The following EPB41L3 variants were observed in gnomAD, a reference collection of about 807,000 sequenced individuals.
EPB41L3 encodes band 4.1-like protein 3.
EPB41L3 carries 57 observed loss-of-function variants against 127.1 expected under a neutral mutation model. That is an observed-to-expected ratio of 0.45 (90% confidence interval 0.36 to 0.56). The LOEUF is 0.56. Ranked by LOEUF, EPB41L3 falls within the 20% of genes least tolerant of loss-of-function variation. The pLI is 0.00. For missense variants in EPB41L3, 1,273 were observed against 1,372.2 expected, an observed-to-expected ratio of 0.93 and a Z score of 1.14; for synonymous variants, 572 against 549.5, an observed-to-expected ratio of 1.04 and a Z score of -0.57.
chr18:5,531,878 T>C (rs964949006), intron 1 of EPB41L3, among the ~76,000 whole-genome samples: 1 of 152,088 alleles, frequency 6.6e-6, no homozygotes, highest in African/African-American at 2.4e-5. Flanking sequence ...AGTGGAGCAG[T>C]AGAAGAAACT....
chr18:5,523,989 A>ATATATATGTGTGTG (rs1343778902), intron 1 of EPB41L3, among the ~76,000 whole-genome samples: 1 of 152,126 alleles, frequency 6.6e-6, no homozygotes, highest in African/African-American at 2.4e-5. Context: ...TTATATATAC[A>ATATATATGTGTGTG]TATATATGTG....
intron 3 of EPB41L3, among the ~76,000 whole-genome samples, chr18:5,469,493 G>A (rs1476617356): frequency 1.3e-5 from 2 of 152,124 alleles, no homozygotes; most frequent in African/African-American, 4.8e-5. Flanking sequence ...GCTGGACCCC[G>A]CACTTGCTTG....
chr18:5,436,762 T>C (rs2079902146), intron 6 of EPB41L3, among the ~76,000 whole-genome samples: 1 of 152,140 alleles, frequency 6.6e-6, no homozygotes, highest in Admixed American at 6.6e-5. Flanking sequence ...AACCACAAAT[T>C]AGCCAAAATA....
chr18:5,457,913 A>G (rs1174837229), intron 3 of EPB41L3, among the ~76,000 whole-genome samples: 2 of 152,062 alleles, frequency 1.3e-5, no homozygotes, highest in East Asian at 3.9e-4. Context: ...TGCCACTGTC[A>G]GGGGGGCACT....
chr18:5,418,506 G>C (rs550748994), intron 12 of EPB41L3, among the ~76,000 whole-genome samples: 1 of 152,194 alleles, frequency 6.6e-6, no homozygotes, highest in Admixed American at 6.5e-5. Flanking sequence ...TTTTTTGGGT[G>C]GATTATATTC....
At chr18:5,481,285 T>A (rs2088458191) in intron 2 of EPB41L3, among the ~76,000 whole-genome samples, 1 of 152,094 alleles carries the variant, frequency 6.6e-6, no homozygotes, top group Non-Finnish European at 1.5e-5. Context: ...AGCACAAGAT[T>A]TTCACCAGCA....
intron 16 of EPB41L3, chr18:5,398,715 T>C: frequency 5.0e-6 from 2 of 399,436 alleles, no homozygotes; most frequent in Non-Finnish European, 8.8e-6. Context: ...GGCTGGTTCC[T>C]GGGAATATCT....
At chr18:5,578,474 C>G (rs146872319) in intron 3 of EPB41L3, among the ~76,000 whole-genome samples, 3 of 152,290 alleles carry the variant, frequency 2.0e-5, no homozygotes, top group African/African-American at 7.2e-5. Flanking sequence ...TTTGAAAGCT[C>G]TGCTTTTCAG....
intron 9 of EPB41L3, 136 bp downstream of exon 9, chr18:5,428,177 A>C (rs2078483711): frequency 1.9e-5 from 18 of 960,030 alleles, no homozygotes; most frequent in Non-Finnish European, 2.7e-5. Flanking sequence ...GCAAACCTAC[A>C]ATAAACTCTC....
chr18:5,423,620 T>G (rs2077754025), intron 10 of EPB41L3, 67 bp from the exon 11 acceptor site: 1 of 1,436,148 alleles, frequency 7.0e-7, no homozygotes, highest in African/African-American at 1.4e-5. Flanking sequence ...TTTTTAAACT[T>G]TTTACTCTGA....
intron 3 of EPB41L3, among the ~76,000 whole-genome samples, chr18:5,583,798 G>A (rs1297804903): frequency 1.3e-5 from 2 of 152,046 alleles, no homozygotes; most frequent in African/African-American, 2.4e-5. Context: ...AAAGGGACGT[G>A]GGTCTAGAAA....
chr18:5,593,167 G>A (rs35403520), intron 3 of EPB41L3, among the ~76,000 whole-genome samples: 41,077 of 151,360 alleles, frequency 0.27, 5,837 homozygotes, highest in East Asian at 0.4. Flanking sequence ...GCGTAGACAC[G>A]GTTCCGATGC....
intron 3 of EPB41L3, among the ~76,000 whole-genome samples, chr18:5,476,109 A>C (rs562405852): frequency 3.9e-5 from 6 of 152,236 alleles, no homozygotes; most frequent in Non-Finnish European, 7.4e-5. Context: ...CTTGATTTAC[A>C]ATACATTTTT....
intron 3 of EPB41L3, among the ~76,000 whole-genome samples, chr18:5,473,194 GA>G (rs1483413337): frequency 4.6e-5 from 7 of 152,040 alleles, no homozygotes; most frequent in African/African-American, 1.7e-4. Context: ...TGTTTCCCTG[GA>G]ATACTAGCCC....
intron 3 of EPB41L3, among the ~76,000 whole-genome samples, chr18:5,609,478 C>A (rs1222064481): frequency 6.6e-6 from 1 of 152,194 alleles, no homozygotes; most frequent in African/African-American, 2.4e-5. Context: ...CCTGGCCCTG[C>A]ATGCAAAACC....
chr18:5,602,069 C>T (rs1443240742), intron 3 of EPB41L3, among the ~76,000 whole-genome samples: 1 of 152,128 alleles, frequency 6.6e-6, no homozygotes, highest in African/African-American at 2.4e-5. Flanking sequence ...TTTTTCAATG[C>T]CTGTCCGCAG....
At chr18:5,433,652 CT>C in intron 7 of EPB41L3, 96 bp from the exon 8 acceptor site, 1 of 1,115,028 alleles carries the variant, frequency 9.0e-7, no homozygotes, top group Non-Finnish European at 1.3e-6. Context: ...ATAAGAAGTC[CT>C]ATGGAGGCAC....
chr18:5,608,209 G>A (rs951885573), intron 3 of EPB41L3, among the ~76,000 whole-genome samples: 1 of 152,144 alleles, frequency 6.6e-6, no homozygotes, highest in Non-Finnish European at 1.5e-5. Flanking sequence ...TGATGATGCT[G>A]CGACTCTGTG....
intron 3 of EPB41L3, among the ~76,000 whole-genome samples, chr18:5,585,608 C>T (rs1198136005): frequency 2.0e-5 from 3 of 152,164 alleles, no homozygotes; most frequent in East Asian, 1.9e-4. Flanking sequence ...GTTAACCAAG[C>T]GATTTCCTCA....
Sources: allele counts gnomAD v4.1 joint callset (sites outside exome capture counted in the v4.1 genomes callset), GRCh38; gene constraint gnomAD v4.1.1; transcripts MANE v1.5; gene names NCBI Gene and HGNC (gene_info 2026-07-23, HGNC 2026-07-21).